CCSER2: variants seen among roughly 807,000 people sequenced by gnomAD.
CCSER2 encodes the protein serine-rich coiled-coil domain-containing protein 2.
A neutral mutation model predicts 92.3 loss-of-function variants in CCSER2; 46 were observed. That is an observed-to-expected ratio of 0.50 (90% CI 0.39 to 0.64). CCSER2 has a LOEUF of 0.64. Ranked by LOEUF, CCSER2 falls within the 30% of genes least tolerant of loss-of-function variation. CCSER2 has a pLI of 0.00. For synonymous variants in CCSER2, 433 were observed against 431.4 expected (o/e 1.00, Z -0.04); for missense variants, 1,244 against 1,238.9 (o/e 1.00, Z -0.06).
At chr10:84,465,184 A>AG (rs1200856253) in intron 7 of CCSER2, among the ~76,000 whole-genome samples, 3 of 151,650 alleles carry the variant, frequency 2.0e-5, no homozygotes, top group African/African-American at 4.8e-5. Context: ...AGAAAAAAAA[A>AG]AATTGTGAAT....
chr10:84,482,207 G>C (rs576907813), intron 9 of CCSER2, among the ~76,000 whole-genome samples: 2 of 152,204 alleles, frequency 1.3e-5, no homozygotes, highest in South Asian at 4.1e-4. Flanking sequence ...AGAATGAGCC[G>C]TAAGAGCAGA....
At chr10:84,459,576 G>T (rs1036971360) in intron 6 of CCSER2, among the ~76,000 whole-genome samples, 4 of 152,142 alleles carry the variant, frequency 2.6e-5, no homozygotes, top group Non-Finnish European at 5.9e-5. Flanking sequence ...AGGCTGGAGT[G>T]CAGTGGCACA....
chr10:84,395,395 A>G (rs1841776493), intron 3 of CCSER2, among the ~76,000 whole-genome samples: 1 of 152,176 alleles, frequency 6.6e-6, no homozygotes, highest in African/African-American at 2.4e-5. Flanking sequence ...CACTGAAGCT[A>G]AGAGTCTTTC....
chr10:84,361,535 C>T (rs1348355110), intron 1 of CCSER2, among the ~76,000 whole-genome samples: 1 of 152,112 alleles, frequency 6.6e-6, no homozygotes, highest in Non-Finnish European at 1.5e-5. Flanking sequence ...TCTCTGGATT[C>T]TCTTGTTTAA....
In CCSER2 at chr10:84,425,942, A is replaced by G. The variant is rs200261515; in HGVS notation, c.1868+49A>G. 4.4e-5 allele frequency: 58 copies of G among 1,311,116 alleles called. 1 individual carries two copies. Among genetic ancestry groups the G allele is most frequent in the Non-Finnish European group, 5.7e-5 (56 of 980,490 alleles). The allele number at this position is 1,311,116 out of a possible 1,614,324, so 81.2% of individuals were successfully genotyped here. On this transcript the variant is annotated intron_variant, in intron 5 of 9. Coordinates refer to ENST00000372088, the MANE Select transcript of CCSER2 (RefSeq NM_001284240.2). The stretch of plus-strand genomic sequence containing the variant: ...TTCATTTGCTGTCCTCTGATTTTGA[A>G]TTATAATTCTCCCTTTCCCAGAACC...
chr10:84,514,315 T>C lies in CCSER2; in HGVS notation c.*48T>C. The stretch of plus-strand genomic sequence containing the variant: ...TTTGTTTCTTAAAAACAATCTCTTC[T>C]GTAATAGCTTTATGTGCAGCTTGCA... On this transcript the variant is annotated 3_prime_UTR_variant, in exon 10 of 10. Coordinates refer to ENST00000372088, the MANE Select transcript of CCSER2 (RefSeq NM_001284240.2). 7.7e-7 allele frequency: 1 copy of C among 1,296,530 alleles called. No homozygotes were observed. The highest frequency in any genetic ancestry group is 1.4e-5 in the South Asian group (1 of 71,144). The allele number at this position is 1,296,530 out of a possible 1,614,324, so 80.3% of individuals were successfully genotyped here.
intron 6 of CCSER2, among the ~76,000 whole-genome samples, chr10:84,445,640 C>T (rs952291707): frequency 1.3e-5 from 2 of 152,174 alleles, no homozygotes; most frequent in African/African-American, 4.8e-5. Context: ...TGCCCATTCT[C>T]ATGGTGGCCA....
At chr10:84,426,516 T>C (rs1025937956) in intron 5 of CCSER2, among the ~76,000 whole-genome samples, 5 of 152,202 alleles carry the variant, frequency 3.3e-5, no homozygotes, top group Non-Finnish European at 7.3e-5. Context: ...CTTTAAAACA[T>C]AATTAATAAT....
At chr10:84,508,206 G>T (rs759973583) in intron 9 of CCSER2, among the ~76,000 whole-genome samples, 2 of 152,088 alleles carry the variant, frequency 1.3e-5, no homozygotes, top group African/African-American at 2.4e-5. Flanking sequence ...AGAAAGAAAA[G>T]AACAGTATGT....
At chr10:84,387,082 CA>C (rs562126348) in intron 3 of CCSER2, among the ~76,000 whole-genome samples, 2 of 151,128 alleles carry the variant, frequency 1.3e-5, no homozygotes, top group African/African-American at 2.4e-5. Flanking sequence ...AATCTAAAAT[CA>C]AAAAAAAATC....
chr10:84,421,062 A>G (rs971891917), intron 4 of CCSER2, among the ~76,000 whole-genome samples: 6 of 152,062 alleles, frequency 3.9e-5, no homozygotes, highest in African/African-American at 1.4e-4. Flanking sequence ...ATTTGGATAC[A>G]AGTTTGCTGT....
intron 1 of CCSER2, among the ~76,000 whole-genome samples, chr10:84,361,766 G>A (rs1437987055): frequency 2.0e-5 from 3 of 151,544 alleles, no homozygotes; most frequent in Non-Finnish European, 2.9e-5. Context: ...TCAGCCTCCC[G>A]AGTAGCTGGG....
intron 1 of CCSER2, among the ~76,000 whole-genome samples, chr10:84,329,383 C>G (rs1019420253): frequency 6.6e-6 from 1 of 152,116 alleles, no homozygotes; most frequent in Admixed American, 6.5e-5. Context: ...TTGTGGTGGT[C>G]CTTGGTGGCG....
intron 9 of CCSER2, among the ~76,000 whole-genome samples, chr10:84,478,230 A>G (rs1414100216): frequency 6.6e-6 from 1 of 152,196 alleles, no homozygotes; most frequent in Admixed American, 6.5e-5. Flanking sequence ...AAAATGTTAT[A>G]TCTCAAAACA....
Position 84,438,603 on chromosome 10 carries a change from C to A in CCSER2, c.1960C>A (p.Pro654Thr). 1 of 1,612,974 alleles carries A rather than the reference C, an allele frequency of 6.2e-7. No homozygotes were observed. The highest frequency in any genetic ancestry group is 8.5e-7 in the Non-Finnish European group (1 of 1,179,090). ...GGCTCAGAAGATGTTTGTTGATGTA[C>A]CAGAAAATACAGTGATACTGGATGA... is the stretch of plus-strand genomic sequence containing the variant. The part of the protein sequence containing the change: ...FQAQKMFVDV[P>T]ENTVILDEMT... Residue 654 changes from proline (P) to threonine (T), a missense_variant, in exon 6 of 10, where the codon CCA (proline) becomes ACA (threonine). Pro to Thr is a conservative substitution (Grantham distance 38). Transcript: ENST00000372088.
At chr10:84,457,570 A>T (rs1313401046) in intron 6 of CCSER2, among the ~76,000 whole-genome samples, 1 of 12,240 alleles carries the variant, frequency 8.2e-5, no homozygotes, top group Non-Finnish European at 1.6e-4. Context: ...ATATAAATTT[A>T]TATTTATATA....
chr10:84,351,017 T>C (rs914652233), intron 1 of CCSER2, among the ~76,000 whole-genome samples: 1 of 152,246 alleles, frequency 6.6e-6, no homozygotes, highest in African/African-American at 2.4e-5. Context: ...ATTAATTCAA[T>C]GTAATATATT....
intron 3 of CCSER2, among the ~76,000 whole-genome samples, chr10:84,386,808 A>G (rs373052017): frequency 6.6e-6 from 1 of 152,194 alleles, no homozygotes; most frequent in Non-Finnish European, 1.5e-5. Flanking sequence ...GCTGGAGGCC[A>G]TTATTCTAAG....
intron 3 of CCSER2, among the ~76,000 whole-genome samples, chr10:84,382,239 A>G (rs10749487): frequency 0.85 from 129,966 of 152,166 alleles, 55,583 homozygotes; most frequent in East Asian, 0.9. Flanking sequence ...TCTTTACTTC[A>G]TGATAGCATC....
Sources: allele counts gnomAD v4.1 joint callset (sites outside exome capture counted in the v4.1 genomes callset), GRCh38; gene constraint gnomAD v4.1.1; transcripts MANE v1.5; gene names NCBI Gene and HGNC (gene_info 2026-07-23, HGNC 2026-07-21).